Variants in CHD9 observed in about 807,000 individuals in gnomAD.
The protein encoded by CHD9 is ATP-dependent chromatin remodeler CHD9.
Under a neutral mutation model 316.1 loss-of-function variants are expected in CHD9, and 77 were observed. That is an observed-to-expected ratio of 0.24 (90% CI 0.20 to 0.29). The LOEUF (loss-of-function observed/expected upper bound fraction) is 0.29. CHD9 is among the 10% of genes least tolerant of loss of function. The pLI is 1.00. For synonymous variants in CHD9, 1,129 were observed against 1,158.3 expected (o/e 0.97, Z 0.51); for missense variants, 2,763 against 3,438.1 (o/e 0.80, Z 4.91).
chr16:53,286,431 A>T, intron 26 of CHD9, 88 bp downstream of exon 26: 2 of 711,502 alleles, frequency 2.8e-6, no homozygotes, highest in South Asian at 1.8e-5. Flanking sequence ...TTATCTTTAA[A>T]TGAGGTAGCA....
intron 1 of CHD9, among the ~76,000 whole-genome samples, chr16:53,111,012 G>GTTCTGCCC (rs1216151871): frequency 6.6e-6 from 1 of 152,094 alleles, no homozygotes; most frequent in Non-Finnish European, 1.5e-5. Context: ...CTTTGCCAAG[G>GTTCTGCCC]TTCTGCCCCA....
chr16:53,208,402 TA>T, intron 2 of CHD9: 1 of 1,270,184 alleles, frequency 7.9e-7, no homozygotes, highest in South Asian at 1.3e-5. Context: ...GCTAAAAGGC[TA>T]ATGGGATTGA....
intron 1 of CHD9, among the ~76,000 whole-genome samples, chr16:53,143,492 A>T (rs1238681180): frequency 6.6e-6 from 1 of 151,478 alleles, no homozygotes; most frequent in African/African-American, 2.4e-5. Context: ...GGTTCATACC[A>T]TTCTCCTGCC....
intron 2 of CHD9, among the ~76,000 whole-genome samples, chr16:53,181,342 A>G (rs2043503428): frequency 6.6e-6 from 1 of 151,976 alleles, no homozygotes; most frequent in Admixed American, 6.6e-5. Flanking sequence ...CTTTTTTTGA[A>G]TTTTAACTTT....
At chr16:53,133,526 T>C (rs2039488270) in intron 1 of CHD9, among the ~76,000 whole-genome samples, 1 of 152,188 alleles carries the variant, frequency 6.6e-6, no homozygotes, top group South Asian at 2.1e-4. Context: ...ATCGGGACTT[T>C]GTCACTTAAC....
chr16:53,103,000 C>A (rs971998774), intron 1 of CHD9, among the ~76,000 whole-genome samples: 2 of 151,824 alleles, frequency 1.3e-5, no homozygotes, highest in East Asian at 3.9e-4. Flanking sequence ...CACCCGCCAC[C>A]ACCCCTGGCT....
chr16:53,093,057 G>C (rs559394907), intron 1 of CHD9, among the ~76,000 whole-genome samples: 1 of 152,326 alleles, frequency 6.6e-6, no homozygotes, highest in Non-Finnish European at 1.5e-5. Flanking sequence ...GGGATTACAG[G>C]CATGAGCCAT....
At chr16:53,169,381 T>G (rs144419278) in intron 2 of CHD9, 3 of 152,136 alleles carry the variant, frequency 2.0e-5, no homozygotes, top group Admixed American at 1.3e-4. Context: ...TAAGGCTAGA[T>G]CTCAACTGGT....
chr16:53,140,387 A>G (rs2040016154), intron 1 of CHD9, among the ~76,000 whole-genome samples: 1 of 148,104 alleles, frequency 6.8e-6, no homozygotes, highest in Non-Finnish European at 1.5e-5. Flanking sequence ...ACTGCATTCC[A>G]GTCTGGGTGA....
chr16:53,114,644 G>C (rs1001378661), intron 1 of CHD9, among the ~76,000 whole-genome samples: 1 of 152,072 alleles, frequency 6.6e-6, no homozygotes, highest in Non-Finnish European at 1.5e-5. Flanking sequence ...CTGGAGTGCA[G>C]TGGCGCAATC....
At chr16:53,100,854 A>G (rs113067665) in intron 1 of CHD9, among the ~76,000 whole-genome samples, 100 of 152,288 alleles carry the variant, frequency 6.6e-4, no homozygotes, top group African/African-American at 2.2e-3. Flanking sequence ...TAATATGGGG[A>G]TTTTTAATAA....
chr16:53,122,419 C>A (rs546988756), intron 1 of CHD9, among the ~76,000 whole-genome samples: 546 of 152,154 alleles, frequency 3.6e-3, no homozygotes, highest in Non-Finnish European at 5.7e-3. Flanking sequence ...TACTGCGGAA[C>A]TAATTTTATG....
chr16:53,216,239 A>G (rs2046753054), intron 3 of CHD9, among the ~76,000 whole-genome samples: 1 of 152,152 alleles, frequency 6.6e-6, no homozygotes, highest in Non-Finnish European at 1.5e-5. Flanking sequence ...GGAGTGTTCT[A>G]TAGCAATTGG....
chr16:53,198,685 T>G (rs1166113867), intron 2 of CHD9, among the ~76,000 whole-genome samples: 6 of 152,210 alleles, frequency 3.9e-5, no homozygotes, highest in African/African-American at 1.4e-4. Context: ...TTCTATTCCA[T>G]GTGATATTTT....
chr16:53,084,359 C>T (rs2035281630), intron 1 of CHD9, among the ~76,000 whole-genome samples: 1 of 152,166 alleles, frequency 6.6e-6, no homozygotes. Flanking sequence ...AGAAAGAGTC[C>T]TGAACTGGCC....
At chr16:53,215,963 A>G (rs2046726306) in intron 3 of CHD9, among the ~76,000 whole-genome samples, 1 of 152,154 alleles carries the variant, frequency 6.6e-6, no homozygotes, top group East Asian at 1.9e-4. Context: ...GAAACATCCT[A>G]TGTTTTGATA....
At chr16:53,186,019 C>T (rs2043970354) in intron 2 of CHD9, among the ~76,000 whole-genome samples, 1 of 152,216 alleles carries the variant, frequency 6.6e-6, no homozygotes, top group Admixed American at 6.5e-5. Context: ...GGTCACAGAG[C>T]TCCCACACAG....
chr16:53,263,171 T>C lies in CHD9; in HGVS notation c.4320+74T>C, dbSNP rs2051310564. The C allele has an allele frequency of 2.7e-6, 3 of 1,093,306 alleles. No individual in the cohort carries two copies. In the Admixed American group the frequency reaches 6.9e-5, roughly 25 times the overall value. 67.7% of individuals were successfully genotyped at this position (1,093,306 alleles called of 1,614,324 possible). On this transcript the variant is annotated intron_variant, in intron 20 of 38. Transcript: ENST00000447540. ...GCAATAGTATTGTAATATTTTAAGGTGTTCAATTATGCAGTTACTAAAACA... is the reference window on the plus strand; with the variant it reads ...GCAATAGTATTGTAATATTTTAAGGCGTTCAATTATGCAGTTACTAAAACA...
At chr16:53,140,020 G>C (rs2039985611) in intron 1 of CHD9, among the ~76,000 whole-genome samples, 1 of 151,726 alleles carries the variant, frequency 6.6e-6, no homozygotes, top group South Asian at 2.1e-4. Context: ...GATTGCTTGA[G>C]CCCAGGAGGC....
Sources: allele counts gnomAD v4.1 joint callset (sites outside exome capture counted in the v4.1 genomes callset), GRCh38; gene constraint gnomAD v4.1.1; transcripts MANE v1.5; gene names NCBI Gene and HGNC (gene_info 2026-07-23, HGNC 2026-07-21).